The following KCNIP3 variants were observed in gnomAD, a reference collection of about 807,000 sequenced individuals.
KCNIP3 encodes calsenilin.
Under a neutral mutation model 35.0 loss-of-function variants are expected in KCNIP3, and 28 were observed. The observed-to-expected ratio is 0.80, with a 90% CI of 0.59 to 1.10. The LOEUF is 1.10. KCNIP3 is among the 50% of genes least tolerant of loss of function. The probability of loss-of-function intolerance (pLI) is 0.00; values close to 1 mark genes in which losing one functional copy is unlikely to be tolerated. For synonymous variants in KCNIP3, 134 were observed against 133.8 expected (o/e 1.00, Z -0.01); for missense variants, 295 against 338.4 (o/e 0.87, Z 1.01).
chr2:95,358,161 C>G lies in KCNIP3; in HGVS notation c.182-16135C>G, dbSNP rs6720679. 8.3e-3 allele frequency among the ~76,000 whole-genome samples: 1,270 copies of G among 152,294 alleles called. 15 individuals are homozygous for G. Among genetic ancestry groups the G allele is most frequent in the African/African-American group, 0.029 (1,219 of 41,550 alleles). ...AGAGAATCTTCCATTGCTTCTGCTT[C>G]TCTCCTATGTGGCAAGCTGCAGGAG... On this transcript the variant is annotated intron_variant, in intron 2 of 8. Coordinates refer to ENST00000295225, the MANE Select transcript of KCNIP3 (RefSeq NM_013434.5).
chr2:95,339,730 C>T (rs1027106722), intron 2 of KCNIP3, among the ~76,000 whole-genome samples: 10 of 152,218 alleles, frequency 6.6e-5, no homozygotes, highest in African/African-American at 2.4e-4. Context: ...AATAAGCCTT[C>T]AATACCTGGT....
rs1408386763 is a variant in KCNIP3, at chr2:95,384,024, T to C, written c.746T>C (p.Met249Thr). Residue 249 changes from methionine to threonine, a missense_variant, in exon 9 of 9, where the codon ATG (methionine) becomes ACG (threonine). Coordinates refer to ENST00000295225, the MANE Select transcript of KCNIP3 (RefSeq NM_013434.5). Reference protein sequence around the residue: ...CQKDENIMSSMQLFENVI With the variant: ...CQKDENIMSSTQLFENVI ...CAGGATGAGAACATCATGAGCTCCA[T>C]GCAGCTGTTTGAGAATGTCATCTAG... 6.2e-7 allele frequency: 1 copy of C among 1,613,978 alleles called. No individual in the cohort carries two copies. The highest frequency in any genetic ancestry group is 1.3e-5 in the African/African-American group (1 of 75,030).
At chr2:95,369,840 T>G (rs1680001275) in intron 2 of KCNIP3, among the ~76,000 whole-genome samples, 2 of 152,114 alleles carry the variant, frequency 1.3e-5, no homozygotes, top group African/African-American at 4.8e-5. Flanking sequence ...CCCAGGCTGG[T>G]CTCGAACTCC....
At chr2:95,373,426 T>G (rs1304260758) in intron 2 of KCNIP3, among the ~76,000 whole-genome samples, 3 of 137,560 alleles carry the variant, frequency 2.2e-5, no homozygotes, top group Non-Finnish European at 3.1e-5. Flanking sequence ...TTTTTTTTTT[T>G]TTTTTTTTTT....
intron 2 of KCNIP3, among the ~76,000 whole-genome samples, chr2:95,325,623 A>G (rs976485419): frequency 1.3e-5 from 2 of 151,698 alleles, no homozygotes; most frequent in African/African-American, 2.4e-5. Context: ...GTACACACAC[A>G]CACTCACACA....
intron 2 of KCNIP3, chr2:95,347,055 C>T (rs1279446846): frequency 6.2e-7 from 1 of 1,611,790 alleles, no homozygotes; most frequent in Admixed American, 1.7e-5. Context: ...GCGCCATGGC[C>T]GTGGTGGTGC....
chr2:95,303,504 CACTG>C (rs1440387637), intron 1 of KCNIP3: 1 of 152,352 alleles, frequency 6.6e-6, no homozygotes. Flanking sequence ...GCCCCTCCCT[CACTG>C]GCCACATCTA....
At chr2:95,359,686 G>A (rs567916445) in intron 2 of KCNIP3, among the ~76,000 whole-genome samples, 6 of 152,376 alleles carry the variant, frequency 3.9e-5, no homozygotes, top group African/African-American at 1.4e-4. Context: ...GTCTGATCCA[G>A]CCTTTGAAAT....
At chr2:95,343,520 C>T (rs1679269517) in intron 2 of KCNIP3, among the ~76,000 whole-genome samples, 1 of 152,146 alleles carries the variant, frequency 6.6e-6, no homozygotes, top group African/African-American at 2.4e-5. Context: ...CCTCAAACAG[C>T]ATGCATCCAG....
intron 1 of KCNIP3, among the ~76,000 whole-genome samples, chr2:95,297,903 G>A (rs1677916660): frequency 6.6e-6 from 1 of 152,192 alleles, no homozygotes; most frequent in African/African-American, 2.4e-5. Context: ...GGAGTCACTT[G>A]TGCTTGGAGG....
At chr2:95,328,157 C>G (rs934740608) in intron 2 of KCNIP3, among the ~76,000 whole-genome samples, 7 of 152,216 alleles carry the variant, frequency 4.6e-5, no homozygotes, top group African/African-American at 1.7e-4. Flanking sequence ...CTGCACCACC[C>G]CCAGCCCCCA....
At chr2:95,383,178 CG>C in intron 7 of KCNIP3, 53 bp from the exon 8 acceptor site, 1 of 1,299,554 alleles carries the variant, frequency 7.7e-7, no homozygotes, top group South Asian at 1.2e-5. Flanking sequence ...AGGCCAGGGG[CG>C]GGGCTGTCTC....
intron 2 of KCNIP3, among the ~76,000 whole-genome samples, chr2:95,347,695 C>T (rs1202873985): frequency 6.6e-6 from 1 of 152,268 alleles, no homozygotes; most frequent in Non-Finnish European, 1.5e-5. Flanking sequence ...ACACTGACGG[C>T]CCCCTGGGGC....
chr2:95,343,659 C>G (rs1443631425), intron 2 of KCNIP3, among the ~76,000 whole-genome samples: 3 of 152,166 alleles, frequency 2.0e-5, no homozygotes, highest in Non-Finnish European at 4.4e-5. Flanking sequence ...TTGGGAACCA[C>G]CAGTACAGCT....
At chr2:95,300,600 G>A (rs1009226544) in intron 1 of KCNIP3, among the ~76,000 whole-genome samples, 4 of 152,026 alleles carry the variant, frequency 2.6e-5, no homozygotes, top group African/African-American at 4.8e-5. Flanking sequence ...AGCATGGGGC[G>A]AGTCCCGTGC....
intron 2 of KCNIP3, among the ~76,000 whole-genome samples, chr2:95,351,423 T>A (rs1679518406): frequency 6.6e-6 from 1 of 152,166 alleles, no homozygotes; most frequent in Non-Finnish European, 1.5e-5. Flanking sequence ...CAGTTCCAGA[T>A]GCATTTCCCG....
At chr2:95,332,573 T>A (rs1573496250) in intron 2 of KCNIP3, among the ~76,000 whole-genome samples, 1 of 152,258 alleles carries the variant, frequency 6.6e-6, no homozygotes. Flanking sequence ...TCCTTAATAT[T>A]AAAGAGAACA....
chr2:95,338,645 A>C (rs1558767498), intron 2 of KCNIP3, among the ~76,000 whole-genome samples: 1 of 152,210 alleles, frequency 6.6e-6, no homozygotes, highest in Non-Finnish European at 1.5e-5. Context: ...CCCCAATGAA[A>C]TTAGACTTGA....
intron 2 of KCNIP3, among the ~76,000 whole-genome samples, chr2:95,371,580 G>A (rs771023489): frequency 1.3e-5 from 2 of 151,944 alleles, no homozygotes; most frequent in South Asian, 2.1e-4. Context: ...CTTTTATTTC[G>A]TCACTTGTCA....
Sources: gnomAD v4.1 joint callset for allele counts (sites outside exome capture counted in the v4.1 genomes callset) on GRCh38, gnomAD v4.1.1 for gene constraint, MANE v1.5 for transcripts, NCBI Gene and HGNC (gene_info 2026-07-23, HGNC 2026-07-21) for gene names.